FSD1: variants seen among roughly 807,000 people sequenced by gnomAD.
The protein encoded by FSD1 is fibronectin type III and SPRY domain containing 1, also known as fibronectin type III and SPRY domain-containing protein 1.
A neutral mutation model predicts 58.2 loss-of-function variants in FSD1; 23 were observed. That is an observed-to-expected ratio of 0.40 (90% confidence interval 0.28 to 0.56). The LOEUF (loss-of-function observed/expected upper bound fraction) is 0.56. Among genes scored for constraint, FSD1 ranks in the 20% least tolerant of loss-of-function variants. FSD1 has a pLI of 0.54. For missense variants in FSD1, 563 were observed against 670.8 expected (o/e 0.84, Z 1.78); for synonymous variants, 265 against 263.4 (o/e 1.01, Z -0.06).
intron 1 of FSD1, 81 bp from the exon 2 acceptor site, chr19:4,305,857 CACGTGTGT>C: frequency 1.1e-6 from 1 of 919,434 alleles, no homozygotes; most frequent in Non-Finnish European, 1.8e-6. Flanking sequence ...CATGTGTGTG[CACGTGTGT>C]ACATGTGCGT....
At position 4,310,558 on chromosome 19, in the gene FSD1, A is replaced by T. The variant is rs1295841563; in HGVS notation, c.452A>T (p.Gln151Leu). 2 of 1,613,900 alleles carry T rather than the reference A, an allele frequency of 1.2e-6. No homozygotes were observed. Among genetic ancestry groups the T allele is most frequent in the Admixed American group, 3.3e-5 (2 of 60,022 alleles). ...NMSHLMVDFA[Q>L]ERQMLQALKF... ...AGTCACCTCATGGTGGACTTCGCGCAAGAGCGGCAGATGCTACAGGCACTC... is the reference window on the plus strand; with the variant it reads ...AGTCACCTCATGGTGGACTTCGCGCTAGAGCGGCAGATGCTACAGGCACTC... Residue 151 changes from glutamine to leucine, a missense_variant, in exon 6 of 13, where the codon CAA becomes CTA. Transcript: ENST00000221856.
At position 4,323,191 on chromosome 19, in the gene FSD1, C is replaced by T. The variant is rs767745067; in HGVS notation, c.1245C>T (p.Asp415=). Reference sequence around the variant, plus strand: ...ACGCCAACAAGGTCAAGGTGCTGGACGCCCCCGTGCCCGACTGCCTGGGTG... The same window carrying T: ...ACGCCAACAAGGTCAAGGTGCTGGATGCCCCCGTGCCCGACTGCCTGGGTG... ...AKHANKVKVL[D]APVPDCLGVH... The change falls in exon 11 of 13, where the codon GAC becomes GAT. Residue 415 remains aspartate (D), a synonymous_variant. Coordinates refer to ENST00000221856, the MANE Select transcript of FSD1 (RefSeq NM_024333.3). The surrounding 1 kb of genome is among the most constrained non-coding windows in gnomAD (Gnocchi z 7.7). The T allele has an allele frequency of 6.2e-6, 10 of 1,604,784 alleles. No individual in the cohort carries two copies. The highest frequency in any genetic ancestry group is 1.7e-4 in the Middle Eastern group (1 of 6,056).
intron 7 of FSD1, among the ~76,000 whole-genome samples, chr19:4,314,690 T>C (rs2144763688): frequency 6.6e-6 from 1 of 152,372 alleles, no homozygotes; most frequent in East Asian, 1.9e-4. Flanking sequence ...TTTCTCCATG[T>C]TGACCAGGCT....
chr19:4,305,975 G>A lies in FSD1; in HGVS notation c.45G>A (p.Leu15=), dbSNP rs760243272. 6.2e-7 allele frequency: 1 copy of A among 1,614,120 alleles called. No individual in the cohort carries two copies. The highest frequency in any genetic ancestry group is 8.5e-7 in the Non-Finnish European group (1 of 1,179,976). The change falls in exon 2 of 13, where the codon CTG becomes CTA. Residue 15 remains leucine, a synonymous_variant. Transcript: ENST00000221856. ...REALRKIIKT[L]AVKNEEIQSF... is the part of the protein sequence containing the mutation. The stretch of plus-strand genomic sequence containing the variant: ...CCCTGAGGAAGATCATCAAAACACT[G>A]GCTGTGAAGAATGAAGAAATTCAGA...
At chr19:4,311,237 C>G (rs999374228) in intron 6 of FSD1, 4 of 155,560 alleles carry the variant, frequency 2.6e-5, no homozygotes, top group Non-Finnish European at 5.7e-5. Flanking sequence ...GCCACGTCCC[C>G]GAGGAGAAAT....
rs764774099 is a variant in FSD1 at position 4,323,667 on chromosome 19, G to A, written c.*24G>A. The A allele has an allele frequency of 4.5e-6, 7 of 1,548,736 alleles. No individual in the cohort carries two copies. The highest frequency in any genetic ancestry group is 2.7e-5 in the African/African-American group (2 of 73,574). On this transcript the variant is annotated 3_prime_UTR_variant, in exon 13 of 13. Coordinates refer to ENST00000221856, the MANE Select transcript of FSD1 (RefSeq NM_024333.3). This position sits in a 1 kb window ranked among gnomAD's most constrained non-coding sequence, Gnocchi z 7.7. ...AGGCCCCCAGGCACCCACCCAGCTG[G>A]GGTGTTTTTGGGGGAGTCGCCGCCA...
chr19:4,311,822 C>T lies in FSD1; in HGVS notation c.491-20C>T. The T allele has an allele frequency of 1.9e-6, 3 of 1,612,896 alleles. No individual in the cohort carries two copies. The highest frequency in any genetic ancestry group is 2.5e-6 in the Non-Finnish European group (3 of 1,178,984). On this transcript the variant is annotated intron_variant, in intron 6 of 12. Transcript: ENST00000221856. ...ACCAGGCACAGAATCCCGACCCCCT[C>T]TCCTTTCCGTCTTGGTCAGTGCCCA...
intron 10 of FSD1, among the ~76,000 whole-genome samples, 174 bp downstream of exon 10, chr19:4,319,125 A>G (rs1971787618): frequency 6.6e-6 from 1 of 152,206 alleles, no homozygotes; most frequent in South Asian, 2.1e-4. Context: ...GGGATAAGGG[A>G]TTGCTGGGGA....
chr19:4,314,505 G>A (rs77818045), intron 7 of FSD1, among the ~76,000 whole-genome samples: 3 of 85,366 alleles, frequency 3.5e-5, no homozygotes, highest in Non-Finnish European at 7.8e-5. Flanking sequence ...TTTTTTTTTT[G>A]AGATGGAGTC....
At chr19:4,309,867 C>T (rs1305428855) in intron 4 of FSD1, among the ~76,000 whole-genome samples, 2 of 149,880 alleles carry the variant, frequency 1.3e-5, no homozygotes, top group Non-Finnish European at 3.0e-5. Flanking sequence ...CGAGATCGTG[C>T]CACTGCACTC....
Position 4,307,402 on chromosome 19 carries a change from C to G in FSD1, c.244-480C>G, listed in dbSNP as rs371294358. ...GTTTTGTTTTTGAGATGGAGTCTCT[C>G]TCTGTGACCCAGGCTGGATCAGTTG... On this transcript the variant is annotated intron_variant, in intron 3 of 12. Coordinates refer to ENST00000221856, the MANE Select transcript of FSD1 (RefSeq NM_024333.3). Among the ~76,000 whole-genome samples the G allele has an allele frequency of 6.6e-5, 10 of 151,780 alleles. No individual in the cohort carries two copies. The East Asian group carries it at 1.9e-3, about 29-fold the overall frequency.
chr19:4,307,271 G>C (rs1971632939), intron 3 of FSD1, among the ~76,000 whole-genome samples: 1 of 151,940 alleles, frequency 6.6e-6, no homozygotes, highest in African/African-American at 2.4e-5. Flanking sequence ...GCCTAGACTA[G>C]TCTTGAACTC....
intron 1 of FSD1, among the ~76,000 whole-genome samples, chr19:4,305,005 C>A (rs1471312202): frequency 8.0e-6 from 1 of 125,414 alleles, no homozygotes; most frequent in African/African-American, 2.9e-5. Flanking sequence ...TGCCCAGTAT[C>A]CCAGTCCCAT....
chr19:4,319,472 A>G (rs756225162), intron 10 of FSD1, among the ~76,000 whole-genome samples: 10 of 152,160 alleles, frequency 6.6e-5, no homozygotes, highest in South Asian at 2.1e-4. Flanking sequence ...TGGGCAAGGG[A>G]GGAACTGGAC....
At chr19:4,312,669 G>A (rs1157274999) in intron 7 of FSD1, among the ~76,000 whole-genome samples, 15 of 151,786 alleles carry the variant, frequency 9.9e-5, no homozygotes, top group Admixed American at 9.9e-4. Context: ...GCCGGGCGTG[G>A]CGGTGTGCAC....
chr19:4,310,630 C>A, intron 6 of FSD1, 34 bp downstream of exon 6: 2 of 1,597,760 alleles, frequency 1.3e-6, no homozygotes, highest in South Asian at 2.2e-5. Flanking sequence ...GCCAGGACTT[C>A]CGGGGAATGA....
chr19:4,321,131 G>A (rs1971811679), intron 10 of FSD1, among the ~76,000 whole-genome samples: 1 of 150,402 alleles, frequency 6.6e-6, no homozygotes, highest in African/African-American at 2.5e-5. Context: ...GTACCTGGAG[G>A]GGAATAGCTG....
In FSD1 at chr19:4,323,123, C is replaced by T. The variant is rs1971722192; in HGVS notation, c.1177C>T (p.Leu393=). The T allele has an allele frequency of 6.2e-7, 1 of 1,606,878 alleles. No individual in the cohort carries two copies. Residue 393 remains leucine, a synonymous_variant, in exon 11 of 13, where the codon CTG becomes TTG. Transcript: ENST00000221856. This position sits in a 1 kb window ranked among gnomAD's most constrained non-coding sequence, Gnocchi z 7.7. Reference sequence around the variant, plus strand: ...GGGCAAGACGGCCGCCTCCTGGTGCCTGCACGTCAACAATTGGCTGCAGGT... The same window carrying T: ...GGGCAAGACGGCCGCCTCCTGGTGCTTGCACGTCAACAATTGGCTGCAGGT... ...QLGKTAASWC[L]HVNNWLQVSF... is the part of the protein sequence containing the mutation.
intron 8 of FSD1, 99 bp from the exon 9 acceptor site, chr19:4,318,247 C>T: frequency 6.7e-7 from 1 of 1,482,290 alleles, no homozygotes; most frequent in Non-Finnish European, 9.3e-7. Context: ...TTCTCTGTCC[C>T]TGTCTTGGTC....
Sources: allele counts gnomAD v4.1 joint callset (sites outside exome capture counted in the v4.1 genomes callset), GRCh38; gene constraint gnomAD v4.1.1; non-coding constraint Gnocchi (gnomAD v3.1); transcripts MANE v1.5; gene names NCBI Gene and HGNC (gene_info 2026-07-23, HGNC 2026-07-21).